Variants in RPS6KA2 observed in about 807,000 individuals in gnomAD.
RPS6KA2 encodes the protein ribosomal protein S6 kinase alpha-2.
A neutral mutation model predicts 91.8 loss-of-function variants in RPS6KA2; 42 were observed. The ratio of observed to expected loss-of-function variants is 0.46; its 90% CI spans 0.36 to 0.59. RPS6KA2 has a LOEUF of 0.59. Among genes scored for constraint, RPS6KA2 ranks in the 20% least tolerant of loss-of-function variants. The pLI is 0.00. For synonymous variants in RPS6KA2, 414 were observed against 393.6 expected (o/e 1.05, Z -0.61); for missense variants, 798 against 978.5 (o/e 0.82, Z 2.46).
intron 2 of RPS6KA2, among the ~76,000 whole-genome samples, chr6:166,775,166 G>A (rs1365923579): frequency 6.6e-6 from 1 of 151,930 alleles, no homozygotes; most frequent in African/African-American, 2.4e-5. Flanking sequence ...CCAGACTTTG[G>A]GGGGCAGTCT....
At chr6:166,429,187 C>G (rs1235537798) in intron 16 of RPS6KA2, among the ~76,000 whole-genome samples, 8 of 147,762 alleles carry the variant, frequency 5.4e-5, no homozygotes, top group African/African-American at 2.5e-5. Flanking sequence ...GTCGCAAGGA[C>G]AAAAAACCAA....
At chr6:166,774,986 C>T (rs922409163) in intron 2 of RPS6KA2, among the ~76,000 whole-genome samples, 9 of 152,070 alleles carry the variant, frequency 5.9e-5, no homozygotes, top group African/African-American at 2.2e-4. Context: ...GCAGGTGGCA[C>T]TGCGGATATT....
At position 166,662,981 on chromosome 6, in the gene RPS6KA2, G is replaced by A. The variant is rs1055445324; in HGVS notation, c.124-124197C>T. On this transcript the variant is annotated intron_variant, in intron 2 of 21. Coordinates refer to the RPS6KA2 transcript ENST00000503859. This position sits in a 1 kb window ranked among gnomAD's most constrained non-coding sequence, Gnocchi z 4.3. ...GAGGCGCCATCTGCAAGCAAGAGGA[G>A]AGCCACGGAAGACACCAGCCCCACC... is the stretch of plus-strand genomic sequence containing the variant. 1.3e-5 allele frequency among the ~76,000 whole-genome samples: 2 copies of A among 152,118 alleles called. No individual in the cohort carries two copies. Among genetic ancestry groups the A allele is most frequent in the Admixed American group, 1.3e-4 (2 of 15,280 alleles).
chr6:166,713,448 T>C lies in RPS6KA2; in HGVS notation c.123+144752A>G, dbSNP rs145467158. On this transcript the variant is annotated intron_variant, in intron 2 of 21. Coordinates refer to the RPS6KA2 transcript ENST00000503859. Reference sequence around the variant, plus strand: ...ACAGTTGGTGGGATATCTATGCAGATAGACAGTGCACAAAAATTATAGGAC... The same window carrying C: ...ACAGTTGGTGGGATATCTATGCAGACAGACAGTGCACAAAAATTATAGGAC... Among the ~76,000 whole-genome samples the C allele has an allele frequency of 2.8e-3, 434 of 152,354 alleles. 3 individuals carry two copies. The highest frequency in any genetic ancestry group is 0.01 in the African/African-American group (418 of 41,584).
At chr6:166,657,914 C>G (rs1428272743) in intron 2 of RPS6KA2, among the ~76,000 whole-genome samples, 1 of 152,204 alleles carries the variant, frequency 6.6e-6, no homozygotes, top group Non-Finnish European at 1.5e-5. Context: ...GACGGAGTCT[C>G]ACCCTGTCAC....
At chr6:166,547,967 A>G (rs1476301512) in intron 1 of RPS6KA2, among the ~76,000 whole-genome samples, 1 of 152,272 alleles carries the variant, frequency 6.6e-6, no homozygotes, top group East Asian at 1.9e-4. Context: ...ATTTACACAT[A>G]GAAAGCTGTA....
intron 1 of RPS6KA2, among the ~76,000 whole-genome samples, chr6:166,562,981 C>T (rs73036839): frequency 2.0e-5 from 3 of 152,298 alleles, no homozygotes; most frequent in Non-Finnish European, 2.9e-5. Context: ...ACTGAGAAGG[C>T]GGCCGAGCCA....
intron 1 of RPS6KA2, among the ~76,000 whole-genome samples, chr6:166,595,060 G>GTT (rs56360560): frequency 1.9e-4 from 29 of 149,752 alleles, no homozygotes; most frequent in South Asian, 4.2e-4. Context: ...ATTTTTTTTT[G>GTT]TTTTTTTTTG....
intron 2 of RPS6KA2, among the ~76,000 whole-genome samples, chr6:166,735,451 C>A (rs140645904): frequency 4.3e-4 from 66 of 152,270 alleles, no homozygotes; most frequent in African/African-American, 1.4e-3. Flanking sequence ...ATGATTCAAG[C>A]ACATGACATT....
Position 166,459,396 on chromosome 6 carries a change from TA to T in RPS6KA2, c.1075+52del. The T allele has an allele frequency of 9.1e-7, 1 of 1,095,218 alleles. No individual in the cohort carries two copies. Among genetic ancestry groups the T allele is most frequent in the Non-Finnish European group, 1.4e-6 (1 of 718,382 alleles). The allele number at this position is 1,095,218 out of a possible 1,614,324, so 67.8% of individuals were successfully genotyped here. On this transcript the variant is annotated intron_variant, in intron 12 of 20. Coordinates refer to ENST00000265678, the MANE Select transcript of RPS6KA2 (RefSeq NM_021135.6). This position sits in a 1 kb window ranked among gnomAD's most constrained non-coding sequence, Gnocchi z 4.9. The stretch of plus-strand genomic sequence containing the variant: ...TTTCTTGTTCCTAGATATCTGTCTC[TA>T]AGGGGTCAGGTGGGAGAAGCCACCG...
intron 1 of RPS6KA2, among the ~76,000 whole-genome samples, chr6:166,565,977 A>G (rs1784487636): frequency 6.6e-6 from 1 of 152,254 alleles, no homozygotes; most frequent in African/African-American, 2.4e-5. Flanking sequence ...GACAACTGCC[A>G]TGTGGTTCTG....
chr6:166,575,832 T>C (rs1239037264), intron 1 of RPS6KA2, among the ~76,000 whole-genome samples: 1 of 152,194 alleles, frequency 6.6e-6, no homozygotes, highest in Non-Finnish European at 1.5e-5. Context: ...TAGCAATCTA[T>C]TCATTTCACA....
chr6:166,533,952 G>A lies in RPS6KA2; in HGVS notation c.217-2639C>T, dbSNP rs959799772. On this transcript the variant is annotated intron_variant, in intron 2 of 20. Transcript: ENST00000265678. The surrounding 1 kb of genome is among the most constrained non-coding windows in gnomAD (Gnocchi z 4.0). Reference sequence around the variant, plus strand: ...AAAATAAAAATTAGGGCTGGGTGCGGTGGCTCACGCCTGTAATCCCAGCAC... The same window carrying A: ...AAAATAAAAATTAGGGCTGGGTGCGATGGCTCACGCCTGTAATCCCAGCAC... Among the ~76,000 whole-genome samples the A allele has an allele frequency of 1.3e-5, 2 of 152,144 alleles. No homozygotes were observed. Among genetic ancestry groups the A allele is most frequent in the African/African-American group, 4.8e-5 (2 of 41,430 alleles).
rs1562473047 is a variant in RPS6KA2, at chr6:166,410,801, A to G, written c.*1961T>C. On this transcript the variant is annotated 3_prime_UTR_variant, in exon 21 of 21. Transcript: ENST00000265678. ...AACAGACAGGCCTGCACACCAAGCC[A>G]GGCCAAAGGGTCCGGGCAGCTGATG... 6.6e-6 allele frequency: 1 copy of G among 152,082 alleles called. No homozygotes were observed. Among genetic ancestry groups the G allele is most frequent in the African/African-American group, 2.4e-5 (1 of 41,400 alleles). 9.4% of individuals were successfully genotyped at this position (152,082 alleles called of 1,614,324 possible). A position where few individuals can be genotyped will look rare whatever the true frequency, so the allele number is the denominator to read the frequency against.
chr6:166,660,341 C>G (rs62438675), intron 2 of RPS6KA2, among the ~76,000 whole-genome samples: 1 of 116,832 alleles, frequency 8.6e-6, no homozygotes, highest in Admixed American at 7.9e-5. Flanking sequence ...TGTGTGTGTG[C>G]GGGTTGGTGT....
chr6:166,419,856 G>T lies in RPS6KA2; in HGVS notation c.1820+26C>A, dbSNP rs1339483034. 1 of 1,602,574 alleles carries T rather than the reference G, an allele frequency of 6.2e-7. No individual in the cohort carries two copies. Among genetic ancestry groups the T allele is most frequent in the South Asian group, 1.1e-5 (1 of 90,774 alleles). Reference sequence around the variant, plus strand: ...AGGCTGCTGCCCTGTGTCTCCTCCTGACACCTGTTTGAGGTGACTGCTTAC... The same window carrying T: ...AGGCTGCTGCCCTGTGTCTCCTCCTTACACCTGTTTGAGGTGACTGCTTAC... On this transcript the variant is annotated intron_variant, in intron 18 of 20. Coordinates refer to ENST00000265678, the MANE Select transcript of RPS6KA2 (RefSeq NM_021135.6). The surrounding 1 kb of genome is among the most constrained non-coding windows in gnomAD (Gnocchi z 5.6).
At chr6:166,811,645 A>G (rs923490288) in intron 2 of RPS6KA2, among the ~76,000 whole-genome samples, 1 of 152,206 alleles carries the variant, frequency 6.6e-6, no homozygotes, top group East Asian at 1.9e-4. Context: ...AATAAAAATA[A>G]AAGTGTTTTA....
chr6:166,496,187 C>A (rs980826823), intron 8 of RPS6KA2, among the ~76,000 whole-genome samples: 1 of 151,366 alleles, frequency 6.6e-6, no homozygotes, highest in African/African-American at 2.4e-5. Flanking sequence ...CCTGTCTCTA[C>A]TAAAATGCAA....
At chr6:166,517,179 A>G (rs1394313979) in intron 3 of RPS6KA2, among the ~76,000 whole-genome samples, 4 of 152,204 alleles carry the variant, frequency 2.6e-5, no homozygotes, top group Admixed American at 2.6e-4. Flanking sequence ...TTACTTAAAA[A>G]ACAAAACAAA....
Sources: allele counts gnomAD v4.1 joint callset (sites outside exome capture counted in the v4.1 genomes callset), GRCh38; gene constraint gnomAD v4.1.1; non-coding constraint Gnocchi (gnomAD v3.1); transcripts MANE v1.5; gene names NCBI Gene and HGNC (gene_info 2026-07-23, HGNC 2026-07-21).